The following COPG1 variants were observed in gnomAD, a reference collection of about 807,000 sequenced individuals.
COPG1 encodes the protein coatomer subunit gamma-1.
A neutral mutation model predicts 102.8 loss-of-function variants in COPG1; 29 were observed. The ratio of observed to expected loss-of-function variants is 0.28; its 90% CI spans 0.21 to 0.38. COPG1 has a LOEUF of 0.38. COPG1 is among the 10% of genes least tolerant of loss of function. The pLI, the probability that COPG1 is intolerant of heterozygous loss-of-function variation, is 1.00. For synonymous variants in COPG1, 406 were observed against 421.6 expected, an observed-to-expected ratio of 0.96 and a Z score of 0.45; for missense variants, 875 against 1,132.7, an observed-to-expected ratio of 0.77 and a Z score of 3.27.
chr3:129,260,329 A>G lies in COPG1; in HGVS notation c.872-4A>G. 2 of 1,614,008 alleles carry G rather than the reference A, an allele frequency of 1.2e-6. No homozygotes were observed. Among genetic ancestry groups the G allele is most frequent in the Non-Finnish European group, 1.7e-6 (2 of 1,179,976 alleles). ...CCTGACATGTGGCATCCATCTCCCCACAGTGCTCCAGCTTTTCTGCAGCTC... is the reference window on the plus strand; with the variant it reads ...CCTGACATGTGGCATCCATCTCCCCGCAGTGCTCCAGCTTTTCTGCAGCTC... On this transcript the variant is annotated splice_polypyrimidine_tract_variant and splice_region_variant and intron_variant, in intron 10 of 23. Transcript: ENST00000314797.
At position 129,263,335 on chromosome 3, in the gene COPG1, CAT is replaced by C. The variant is rs967912692; in HGVS notation, c.1129-568_1129-567del. On this transcript the variant is annotated intron_variant, in intron 12 of 23. Coordinates refer to ENST00000314797, the MANE Select transcript of COPG1 (RefSeq NM_016128.4). ...AGATGGAGATGTTTGTGGTTGCAGA[CAT>C]GTGGAGTTTGAAGTGCTGTGGGCGC... is the stretch of plus-strand genomic sequence containing the variant. Among the ~76,000 whole-genome samples, 70 of 152,168 alleles carry C rather than the reference CAT, an allele frequency of 4.6e-4. 1 individual carries two copies. Among genetic ancestry groups the C allele is most frequent in the African/African-American group, 1.1e-3 (45 of 41,518 alleles).
At position 129,264,422 on chromosome 3, in the gene COPG1, G is replaced by A. The variant is rs536545652; in HGVS notation, c.1224+423G>A. On this transcript the variant is annotated intron_variant, in intron 13 of 23. Transcript: ENST00000314797. ...TTCACTTATGCCACCTTTCTTGGACGTCTCAACAAAATGGGTTAATTCTTA... is the reference window on the plus strand; with the variant it reads ...TTCACTTATGCCACCTTTCTTGGACATCTCAACAAAATGGGTTAATTCTTA... Among the ~76,000 whole-genome samples the A allele has an allele frequency of 2.2e-4, 34 of 152,246 alleles. No homozygotes were observed. In the South Asian group the frequency reaches 6.6e-3, roughly 30 times the overall value.
chr3:129,260,391 C>T lies in COPG1; in HGVS notation c.930C>T (p.Thr310=), dbSNP rs1272912949. 5.0e-6 allele frequency: 8 copies of T among 1,613,950 alleles called. No homozygotes were observed. The highest frequency in any genetic ancestry group is 1.1e-5 in the South Asian group (1 of 91,078). The change falls in exon 11 of 24, where the codon ACC becomes ACT. Residue 310 remains threonine (T), a synonymous_variant. Transcript: ENST00000314797. ...KAALRYAAVR[T]LNKVAMKHPS... ...CTCTCCGCTATGCTGCTGTTCGTACCCTCAATAAGGTAAGAGTCCAGCTTG... is the reference window on the plus strand; with the variant it reads ...CTCTCCGCTATGCTGCTGTTCGTACTCTCAATAAGGTAAGAGTCCAGCTTG...
chr3:129,250,877 A>G, intron 2 of COPG1, 143 bp downstream of exon 2: 1 of 679,666 alleles, frequency 1.5e-6, no homozygotes, highest in South Asian at 1.6e-5. Context: ...AGACAGGAAA[A>G]CTTTGTTTCT....
intron 23 of COPG1, among the ~76,000 whole-genome samples, chr3:129,276,818 ACTTT>A (rs1940278541): frequency 7.5e-6 from 1 of 133,892 alleles, no homozygotes; most frequent in South Asian, 2.3e-4. Flanking sequence ...AGAGACAGTG[ACTTT>A]CTTTTTTTTT....
intron 21 of COPG1, 89 bp from the exon 22 acceptor site, chr3:129,274,749 G>T: frequency 1.4e-6 from 2 of 1,441,186 alleles, no homozygotes; most frequent in Non-Finnish European, 1.9e-6. Context: ...CCTGTGGAAA[G>T]AGTTGCAGGA....
chr3:129,268,878 C>T, intron 17 of COPG1, 54 bp from the exon 18 acceptor site: 1 of 1,513,868 alleles, frequency 6.6e-7, no homozygotes, highest in Non-Finnish European at 9.2e-7. Context: ...GTCACCACCA[C>T]ACTGCCCCGT....
rs750474907 is a variant in COPG1, at chr3:129,252,669, T to C, written c.218T>C (p.Met73Thr). ...TTEATEAFFAMTKLFQSNDPT... is the reference protein window; with the variant it reads ...TTEATEAFFATTKLFQSNDPT... Reference sequence around the variant, plus strand: ...GAAGCGACCGAGGCCTTCTTTGCCATGACCAAGCTCTTTCAGTCCAATGAT... The same window carrying C: ...GAAGCGACCGAGGCCTTCTTTGCCACGACCAAGCTCTTTCAGTCCAATGAT... The change falls in exon 4 of 24, where the codon ATG becomes ACG. Residue 73 changes from methionine to threonine, a missense_variant. Physicochemically the swap from Met to Thr is moderately conservative, Grantham distance 81 (BLOSUM62 -1). Transcript: ENST00000314797. 88 of 1,614,080 alleles carry C rather than the reference T, an allele frequency of 5.5e-5. No homozygotes were observed. Among genetic ancestry groups the C allele is most frequent in the Non-Finnish European group, 7.3e-5 (86 of 1,180,032 alleles).
Position 129,271,688 on chromosome 3 carries a change from T to C in COPG1, c.1844-79T>C, listed in dbSNP as rs937424995. On this transcript the variant is annotated intron_variant, in intron 18 of 23. Coordinates refer to ENST00000314797, the MANE Select transcript of COPG1 (RefSeq NM_016128.4). The surrounding 1 kb of genome is among the most constrained non-coding windows in gnomAD (Gnocchi z 4.7). Reference sequence around the variant, plus strand: ...GTAGGGTGGAACACCTTGAGAATGGTCATGGGAATTTATTAGAAACCATCA... The same window carrying C: ...GTAGGGTGGAACACCTTGAGAATGGCCATGGGAATTTATTAGAAACCATCA... 5 of 1,562,370 alleles carry C rather than the reference T, an allele frequency of 3.2e-6. No homozygotes were observed. Among genetic ancestry groups the C allele is most frequent in the Admixed American group, 3.5e-5 (2 of 57,460 alleles).
chr3:129,267,137 T>C, intron 15 of COPG1, 38 bp downstream of exon 15: 2 of 1,510,144 alleles, frequency 1.3e-6, no homozygotes, highest in Non-Finnish European at 9.2e-7. Context: ...GGGACAGTGT[T>C]CCCTTGGACC....
intron 18 of COPG1, among the ~76,000 whole-genome samples, chr3:129,270,578 A>G (rs1479121829): frequency 6.6e-6 from 1 of 152,156 alleles, no homozygotes; most frequent in Non-Finnish European, 1.5e-5. Context: ...AGTTCCTCCT[A>G]ATATCTAGCC....
chr3:129,273,635 AT>A (rs1406629801), intron 21 of COPG1, among the ~76,000 whole-genome samples: 1 of 152,194 alleles, frequency 6.6e-6, no homozygotes, highest in Non-Finnish European at 1.5e-5. Flanking sequence ...AATGTTGGGC[AT>A]TTGGGTTTCC....
chr3:129,260,782 T>C lies in COPG1; in HGVS notation c.1103T>C (p.Met368Thr). The change falls in exon 12 of 24, where the codon ATG becomes ACG. Residue 368 changes from methionine to threonine, a missense_variant. Physicochemically the swap from Met to Thr is moderately conservative, Grantham distance 81. Transcript: ENST00000314797. Reference sequence around the variant, plus strand: ...CTCATGAAGCAGATCTCCTCCTTCATGTCAGAAATCTCGGATGAATTCAAG... The same window carrying C: ...CTCATGAAGCAGATCTCCTCCTTCACGTCAGAAATCTCGGATGAATTCAAG... ...DRLMKQISSF[M>T]SEISDEFKVV... 3 of 1,612,490 alleles carry C rather than the reference T, an allele frequency of 1.9e-6. No individual in the cohort carries two copies. The highest frequency in any genetic ancestry group is 2.5e-6 in the Non-Finnish European group (3 of 1,179,980).
chr3:129,274,910 G>A lies in COPG1; in HGVS notation c.2329G>A (p.Asp777Asn). Residue 777 changes from aspartate (D) to asparagine (N), a missense_variant, in exon 22 of 24, where the codon GAT (aspartate) becomes AAT (asparagine). Transcript: ENST00000314797. ...GAAACTGAACTTCGAAGCAGCCTGGGATGAGGTAGGGGATGAATTTGAGAA... is the reference window on the plus strand; with the variant it reads ...GAAACTGAACTTCGAAGCAGCCTGGAATGAGGTAGGGGATGAATTTGAGAA... ...VMKLNFEAAW[D>N]EVGDEFEKEE... 6.2e-7 allele frequency: 1 copy of A among 1,614,200 alleles called. No homozygotes were observed. The highest frequency in any genetic ancestry group is 8.5e-7 in the Non-Finnish European group (1 of 1,180,002).
chr3:129,262,489 A>T (rs866617377), intron 12 of COPG1, among the ~76,000 whole-genome samples: 1 of 151,976 alleles, frequency 6.6e-6, no homozygotes. Context: ...TCCTGACCTC[A>T]TGATCAACCC....
chr3:129,272,926 G>T, intron 21 of COPG1, 22 bp downstream of exon 21: 2 of 1,454,236 alleles, frequency 1.4e-6, no homozygotes, highest in South Asian at 2.3e-5. Flanking sequence ...GTGTCAGGAA[G>T]CTCAGTTTTG....
At chr3:129,270,675 CT>C (rs1352725070) in intron 18 of COPG1, among the ~76,000 whole-genome samples, 2 of 152,084 alleles carry the variant, frequency 1.3e-5, no homozygotes, top group Non-Finnish European at 2.9e-5. Flanking sequence ...CATAGGCTGA[CT>C]TTTTGTGGAG....
At position 129,275,213 on chromosome 3, in the gene COPG1, G is replaced by A; in HGVS notation, c.2415G>A (p.Val805=). Residue 805 remains valine (V), a synonymous_variant, in exon 23 of 24, where the codon GTG becomes GTA. Transcript: ENST00000314797. This position sits in a 1 kb window ranked among gnomAD's most constrained non-coding sequence, Gnocchi z 5.0. ...KTLEEAVGNI[V]KFLGMHPCER... is the part of the protein sequence containing the mutation. Reference sequence around the variant, plus strand: ...TTACAGAGGCTGTGGGTAATATTGTGAAGTTCTTGGGAATGCACCCTTGTG... The same window carrying A: ...TTACAGAGGCTGTGGGTAATATTGTAAAGTTCTTGGGAATGCACCCTTGTG... 6.2e-7 allele frequency: 1 copy of A among 1,614,100 alleles called. No homozygotes were observed.
At chr3:129,267,899 TG>T (rs747674440) in intron 15 of COPG1, 37 bp from the exon 16 acceptor site, 13 of 1,531,910 alleles carry the variant, frequency 8.5e-6, no homozygotes, top group Non-Finnish European at 9.0e-6. Flanking sequence ...CCATCCCTGC[TG>T]GGTCCCAGTC....
Sources: allele counts gnomAD v4.1 joint callset (sites outside exome capture counted in the v4.1 genomes callset), GRCh38; gene constraint gnomAD v4.1.1; non-coding constraint Gnocchi (gnomAD v3.1); transcripts MANE v1.5; gene names NCBI Gene and HGNC (gene_info 2026-07-23, HGNC 2026-07-21).